The following ZNF691 variants were observed in gnomAD, a reference collection of about 807,000 sequenced individuals.
ZNF691 encodes zinc finger protein 691.
A neutral mutation model predicts 24.1 loss-of-function variants in ZNF691; 11 were observed. That is an observed-to-expected ratio of 0.46 (90% CI 0.29 to 0.75). ZNF691 has a LOEUF of 0.75. Ranked by LOEUF, ZNF691 falls within the 30% of genes least tolerant of loss-of-function variation. The pLI, the probability that ZNF691 is intolerant of heterozygous loss-of-function variation, is 0.11. For missense variants in ZNF691, 356 were observed against 409.0 expected, an observed-to-expected ratio of 0.87 and a Z score of 1.12; for synonymous variants, 149 against 153.9, an observed-to-expected ratio of 0.97 and a Z score of 0.23.
rs1344012164 is a variant in ZNF691 at position 42,852,073 on chromosome 1, A to G, written c.*260A>G. The G allele has an allele frequency of 1.6e-6, 1 of 616,678 alleles. No homozygotes were observed. The highest frequency in any genetic ancestry group is 3.2e-5 in the East Asian group (1 of 31,342). 38.2% of individuals were successfully genotyped at this position (616,678 alleles called of 1,614,324 possible). ...GTCTTGGCTTTACTTTCTTGGGGTG[A>G]AAGAGAAATAGGGTAGGCTCAGAAC... On this transcript the variant is annotated 3_prime_UTR_variant, in exon 4 of 4. Transcript: ENST00000651192.
In ZNF691 at chr1:42,851,203, A is replaced by G. The variant is rs369965453; in HGVS notation, c.338A>G (p.Lys113Arg). The change falls in exon 4 of 4, where the codon AAG becomes AGG. Residue 113 changes from lysine to arginine, a missense_variant. Coordinates refer to ENST00000651192, the MANE Select transcript of ZNF691 (RefSeq NM_001242739.2). The surrounding 1 kb of genome is among the most constrained non-coding windows in gnomAD (Gnocchi z 4.7). ...IAHPRHEADEKPFICAQCGKT... is the reference protein window; with the variant it reads ...IAHPRHEADERPFICAQCGKT... ...CATCCAAGGCATGAGGCAGATGAGA[A>G]GCCCTTTATATGTGCCCAGTGTGGC... 10 of 1,614,236 alleles carry G rather than the reference A, an allele frequency of 6.2e-6. No individual in the cohort carries two copies. Among genetic ancestry groups the G allele is most frequent in the East Asian group, 2.2e-5 (1 of 44,882 alleles).
In ZNF691 at chr1:42,852,078, GAAATAGGGT is replaced by G. The variant is rs1655414742; in HGVS notation, c.*267_*275del. On this transcript the variant is annotated 3_prime_UTR_variant, in exon 4 of 4. Transcript: ENST00000651192. ...GGCTTTACTTTCTTGGGGTGAAAGAGAAATAGGGTAGGCTCAGAACATGCTCATGTTATT... is the reference window on the plus strand; with the variant it reads ...GGCTTTACTTTCTTGGGGTGAAAGAGAGGCTCAGAACATGCTCATGTTATT... 1.6e-6 allele frequency: 1 copy of G among 606,350 alleles called. No individual in the cohort carries two copies. The highest frequency in any genetic ancestry group is 3.1e-6 in the Non-Finnish European group (1 of 327,288). 37.6% of individuals were successfully genotyped at this position (606,350 alleles called of 1,614,324 possible).
intron 1 of ZNF691, among the ~76,000 whole-genome samples, chr1:42,847,878 A>T (rs1361069203): frequency 6.6e-6 from 1 of 152,268 alleles, no homozygotes; most frequent in Non-Finnish European, 1.5e-5. Flanking sequence ...GTGAAATTAG[A>T]TGATTCATAT....
chr1:42,851,368 A>C lies in ZNF691; in HGVS notation c.503A>C (p.Glu168Ala), dbSNP rs991647076. ...CGGCACGAGCGGATCCACCTGGAAG[A>C]GAAACACTACAAATGCCCCAAGTGC... The part of the protein sequence containing the change: ...RIRHERIHLE[E>A]KHYKCPKCQE... The change falls in exon 4 of 4, where the codon GAG becomes GCG. Residue 168 changes from glutamate to alanine, a missense_variant. By Grantham distance (107) the Glu-to-Ala change is moderately radical. Transcript: ENST00000651192. The surrounding 1 kb of genome is among the most constrained non-coding windows in gnomAD (Gnocchi z 4.7). 2 of 1,614,174 alleles carry C rather than the reference A, an allele frequency of 1.2e-6. No homozygotes were observed. Among genetic ancestry groups the C allele is most frequent in the Admixed American group, 3.3e-5 (2 of 60,024 alleles).
chr1:42,848,062 G>A (rs1359247839), intron 1 of ZNF691, among the ~76,000 whole-genome samples: 3 of 152,152 alleles, frequency 2.0e-5, no homozygotes, highest in Non-Finnish European at 4.4e-5. Context: ...TGGAGTTCAC[G>A]GTCTGTTTCA....
At chr1:42,848,527 A>T (rs1486885978) in intron 1 of ZNF691, among the ~76,000 whole-genome samples, 1 of 152,214 alleles carries the variant, frequency 6.6e-6, no homozygotes, top group East Asian at 1.9e-4. Flanking sequence ...TTGCTGAGGA[A>T]AAGTGGGTGA....
intron 1 of ZNF691, among the ~76,000 whole-genome samples, chr1:42,847,693 C>G (rs376474571): frequency 4.6e-5 from 7 of 152,290 alleles, no homozygotes; most frequent in South Asian, 2.1e-4. Context: ...TATTTCCTTC[C>G]TTCCCGTCTT....
At position 42,849,842 on chromosome 1, in the gene ZNF691, C is replaced by G. The variant is rs2124388724; in HGVS notation, c.84+100C>G. On this transcript the variant is annotated intron_variant, in intron 3 of 3. Coordinates refer to ENST00000651192, the MANE Select transcript of ZNF691 (RefSeq NM_001242739.2). ...TAGTGATGTTTGCACAAATCAGGACCTGTACTGGGCACTCTTATGTGTTTA... is the reference window on the plus strand; with the variant it reads ...TAGTGATGTTTGCACAAATCAGGACGTGTACTGGGCACTCTTATGTGTTTA... 6.0e-6 allele frequency: 6 copies of G among 997,438 alleles called. No homozygotes were observed. The South Asian group carries it at 8.3e-5, about 14-fold the overall frequency. 61.8% of individuals were successfully genotyped at this position (997,438 alleles called of 1,614,324 possible).
Position 42,851,522 on chromosome 1 carries a change from G to T in ZNF691, c.657G>T (p.Arg219=). The T allele has an allele frequency of 6.2e-7, 1 of 1,614,178 alleles. No homozygotes were observed. Among genetic ancestry groups the T allele is most frequent in the African/African-American group, 1.3e-5 (1 of 75,054 alleles). ...SQSATLAVHH[R]THLEPAPYIC... ...GTGCCACGCTAGCTGTGCATCACCG[G>T]ACCCACCTGGAGCCAGCACCCTACA... Residue 219 remains arginine, a synonymous_variant, in exon 4 of 4, where the codon CGG becomes CGT. Coordinates refer to ENST00000651192, the MANE Select transcript of ZNF691 (RefSeq NM_001242739.2). This position sits in a 1 kb window ranked among gnomAD's most constrained non-coding sequence, Gnocchi z 4.7.
chr1:42,851,751 T>A lies in ZNF691; in HGVS notation c.886T>A (p.Ser296Thr). ...TVCGKHFSRSSNLIRHQKTHL... is the reference protein window; with the variant it reads ...TVCGKHFSRSTNLIRHQKTHL... ...GTGTGGGAAACACTTCTCCCGGAGC[T>A]CGAATCTCATCCGCCACCAGAAAAC... Residue 296 changes from serine to threonine, a missense_variant, in exon 4 of 4, where the codon TCG (serine) becomes ACG (threonine). Transcript: ENST00000651192. The surrounding 1 kb of genome is among the most constrained non-coding windows in gnomAD (Gnocchi z 4.7). 6.2e-7 allele frequency: 1 copy of A among 1,614,132 alleles called. No individual in the cohort carries two copies. The highest frequency in any genetic ancestry group is 8.5e-7 in the Non-Finnish European group (1 of 1,180,006).
chr1:42,849,207 A>G, intron 1 of ZNF691, 84 bp from the exon 2 acceptor site: 1 of 351,090 alleles, frequency 2.8e-6, no homozygotes, highest in South Asian at 2.2e-5. Flanking sequence ...TTAGAAGGTT[A>G]TATACAGTTT....
rs749147959 is a variant in ZNF691 at position 42,850,903 on chromosome 1, G to C, written c.85-47G>C. On this transcript the variant is annotated intron_variant, in intron 3 of 3. Coordinates refer to ENST00000651192, the MANE Select transcript of ZNF691 (RefSeq NM_001242739.2). ...TGAACAAAAGATTCCCTGTGATCTG[G>C]CCCAACCCAAAGAATAAAGGTGTTG... The C allele has an allele frequency of 7.1e-6, 11 of 1,543,558 alleles. No homozygotes were observed. The Admixed American group carries it at 8.5e-5, about 12-fold the overall frequency.
At chr1:42,847,848 T>C (rs1297435823) in intron 1 of ZNF691, among the ~76,000 whole-genome samples, 2 of 152,248 alleles carry the variant, frequency 1.3e-5, no homozygotes, top group Non-Finnish European at 2.9e-5. Context: ...TTCTCATCTC[T>C]AAAATAAGGA....
chr1:42,847,497 G>A (rs1655272689), intron 1 of ZNF691, among the ~76,000 whole-genome samples: 2 of 152,296 alleles, frequency 1.3e-5, no homozygotes, highest in South Asian at 4.1e-4. Flanking sequence ...AGTGTGATAT[G>A]AAAGTGCCTC....
chr1:42,849,202 A>G (rs145007368), intron 1 of ZNF691, 89 bp from the exon 2 acceptor site: 30 of 318,624 alleles, frequency 9.4e-5, no homozygotes, highest in African/African-American at 6.1e-4. Flanking sequence ...ACATTTTAGA[A>G]GGTTATATAC....
chr1:42,851,096 G>T lies in ZNF691; in HGVS notation c.231G>T (p.Ser77=), dbSNP rs375297433. The T allele has an allele frequency of 1.2e-6, 2 of 1,612,382 alleles. No individual in the cohort carries two copies. The highest frequency in any genetic ancestry group is 1.1e-5 in the South Asian group (1 of 90,974). The part of the protein sequence containing the change: ...GEKEHGQESL[S]DELQETHPKK... ...AGGAGCATGGGCAAGAGAGCCTGTC[G>T]GATGAACTGCAAGAAACTCATCCAA... The change falls in exon 4 of 4, where the codon TCG becomes TCT. Residue 77 remains serine (S), a synonymous_variant. Coordinates refer to ENST00000651192, the MANE Select transcript of ZNF691 (RefSeq NM_001242739.2). This position sits in a 1 kb window ranked among gnomAD's most constrained non-coding sequence, Gnocchi z 4.7.
chr1:42,851,480 C>T lies in ZNF691; in HGVS notation c.615C>T (p.Gly205=). The part of the protein sequence containing the change: ...GKRPYRCDIC[G]KSFSQSATLA... ...GGCCATACCGCTGTGACATCTGTGG[C>T]AAGAGCTTCAGCCAGAGTGCCACGC... is the stretch of plus-strand genomic sequence containing the variant. The change falls in exon 4 of 4, where the codon GGC becomes GGT. Residue 205 remains glycine (G), a synonymous_variant. Transcript: ENST00000651192. This position sits in a 1 kb window ranked among gnomAD's most constrained non-coding sequence, Gnocchi z 4.7. 6.2e-7 allele frequency: 1 copy of T among 1,614,242 alleles called. No homozygotes were observed. The highest frequency in any genetic ancestry group is 8.5e-7 in the Non-Finnish European group (1 of 1,180,052).
In ZNF691 at chr1:42,850,960, T is replaced by G; in HGVS notation, c.95T>G (p.Met32Arg). 6.5e-7 allele frequency: 1 copy of G among 1,535,262 alleles called. No homozygotes were observed. The highest frequency in any genetic ancestry group is 1.4e-5 in the African/African-American group (1 of 72,180). The stretch of plus-strand genomic sequence containing the variant: ...TGTGTTCATTCTCAGGGTTCAGAGA[T>G]GGGCAGTGAGAAGGAGCAGAGTCCA... ...MLPLSSEGSE[M>R]GSEKEQSPEP... Residue 32 changes from methionine (M) to arginine (R), a missense_variant, in exon 4 of 4, where the codon ATG becomes AGG. Physicochemically the swap from Met to Arg is moderately conservative, Grantham distance 91 (BLOSUM62 -1). Transcript: ENST00000651192.
chr1:42,849,863 GT>G (rs1180275660), intron 3 of ZNF691, 121 bp downstream of exon 3: 4 of 832,942 alleles, frequency 4.8e-6, no homozygotes, highest in Non-Finnish European at 7.9e-6. Flanking sequence ...ACTCTTATGT[GT>G]TTAGTTTTGG....
Sources: allele counts gnomAD v4.1 joint callset (sites outside exome capture counted in the v4.1 genomes callset), GRCh38; gene constraint gnomAD v4.1.1; non-coding constraint Gnocchi (gnomAD v3.1); transcripts MANE v1.5; gene names NCBI Gene and HGNC (gene_info 2026-07-23, HGNC 2026-07-21).